ASAP3: variants seen among roughly 807,000 people sequenced by gnomAD.
The protein encoded by ASAP3 is arf-GAP with SH3 domain, ANK repeat and PH domain-containing protein 3.
ASAP3 carries 85 observed loss-of-function variants against 118.2 expected under a neutral mutation model. The ratio of observed to expected loss-of-function variants is 0.72; its 90% CI spans 0.60 to 0.86. The LOEUF (loss-of-function observed/expected upper bound fraction) is 0.86, where lower values mean the gene tolerates loss of function less well. ASAP3 is among the 40% of genes least tolerant of loss of function. The pLI is 0.00. For synonymous variants in ASAP3, 432 were observed against 477.4 expected, an observed-to-expected ratio of 0.90 and a Z score of 1.24; for missense variants, 1,026 against 1,175.0, an observed-to-expected ratio of 0.87 and a Z score of 1.85.
chr1:23,451,755 T>C (rs1641222269), intron 4 of ASAP3, among the ~76,000 whole-genome samples: 1 of 152,002 alleles, frequency 6.6e-6, no homozygotes, highest in South Asian at 2.1e-4. Context: ...GCAGACCTTC[T>C]CCTCCCCAGA....
At chr1:23,456,233 C>T in intron 1 of ASAP3, 39 bp from the exon 2 acceptor site, 5 of 1,595,736 alleles carry the variant, frequency 3.1e-6, no homozygotes, top group Non-Finnish European at 4.3e-6. Context: ...GGATGCCAAG[C>T]TGGAATAGGG....
Position 23,431,094 on chromosome 1 carries a change from C to G in ASAP3, c.2578G>C (p.Ala860Pro), listed in dbSNP as rs771194681. 7.0e-6 allele frequency: 11 copies of G among 1,563,748 alleles called. No homozygotes were observed. The highest frequency in any genetic ancestry group is 1.4e-5 in the African/African-American group (1 of 73,834). Residue 860 changes from alanine (A) to proline (P), a missense_variant, in exon 24 of 25, where the codon GCG becomes CCG. Transcript: ENST00000336689. The part of the protein sequence containing the change: ...SESTRSYRRG[A>P]RSPEDGPSAR... ...GAGGGACCATCTTCAGGGCTCCGCG[C>G]CCCCCGCCGATAGGAGCGAGTGCTC...
chr1:23,470,091 G>C (rs1239834716), intron 1 of ASAP3, among the ~76,000 whole-genome samples: 1 of 152,160 alleles, frequency 6.6e-6, no homozygotes, highest in African/African-American at 2.4e-5. Context: ...CTGAATTTTA[G>C]GGCTGTCTCT....
At chr1:23,431,641 A>G (rs1198434) in intron 23 of ASAP3, 55 bp downstream of exon 23, 1,287,074 of 1,448,658 alleles carry the variant, frequency 0.89, 572,147 homozygotes, top group Middle Eastern at 0.92. Flanking sequence ...AAATCAATGG[A>G]TGCTCAGAGA....
chr1:23,452,626 T>C (rs1223207038), intron 4 of ASAP3, 71 bp downstream of exon 4: 5 of 1,509,376 alleles, frequency 3.3e-6, no homozygotes, highest in Non-Finnish European at 3.7e-6. Flanking sequence ...AGTCCAGCCC[T>C]GCCCCCCAAC....
intron 10 of ASAP3, among the ~76,000 whole-genome samples, chr1:23,440,422 A>G (rs1046561414): frequency 2.2e-5 from 3 of 137,086 alleles, no homozygotes; most frequent in African/African-American, 8.7e-5. Flanking sequence ...AATCGCTTGA[A>G]CCCAGGAGGC....
chr1:23,456,399 C>T (rs1447890974), intron 1 of ASAP3, among the ~76,000 whole-genome samples: 3 of 152,110 alleles, frequency 2.0e-5, no homozygotes, highest in Admixed American at 2.0e-4. Flanking sequence ...ACCAGTCACA[C>T]CACTCCAAGA....
At position 23,436,753 on chromosome 1, in the gene ASAP3, G is replaced by A. The variant is rs1640673348; in HGVS notation, c.1477-99C>T. ...GCCCCCAGAGTCCCGCCCCTCGGCC[G>A]CCCTCCCGGTTCAGGCCCCGCCCCT... On this transcript the variant is annotated intron_variant, in intron 15 of 24. Coordinates refer to ENST00000336689, the MANE Select transcript of ASAP3 (RefSeq NM_017707.4). The surrounding 1 kb of genome is among the most constrained non-coding windows in gnomAD (Gnocchi z 4.2). 3.3e-6 allele frequency: 5 copies of A among 1,537,700 alleles called. No homozygotes were observed. Among genetic ancestry groups the A allele is most frequent in the Non-Finnish European group, 4.4e-6 (5 of 1,126,110 alleles).
chr1:23,438,760 G>C lies in ASAP3; in HGVS notation c.1089C>G (p.Phe363Leu), dbSNP rs1328713889. The C allele has an allele frequency of 1.2e-6, 2 of 1,614,018 alleles. No homozygotes were observed. The highest frequency in any genetic ancestry group is 1.3e-5 in the African/African-American group (1 of 74,920). Residue 363 changes from phenylalanine (F) to leucine (L), a missense_variant, in exon 12 of 25, where the codon TTC (phenylalanine) becomes TTG (leucine). Physicochemically the swap from Phe to Leu is conservative, Grantham distance 22. Transcript: ENST00000336689. The surrounding 1 kb of genome is among the most constrained non-coding windows in gnomAD (Gnocchi z 4.9). ...GGGACCACTCACGGGTCACCAGGTC[G>C]AAGCACTTTTTCTCCTCAGGGTTTG... The part of the protein sequence containing the change: ...VRPNPEEKKC[F>L]DLVTHNRTYH...
chr1:23,451,764 G>A (rs1025404892), intron 4 of ASAP3, among the ~76,000 whole-genome samples: 1 of 152,150 alleles, frequency 6.6e-6, no homozygotes, highest in South Asian at 2.1e-4. Context: ...CTCCTCCCCA[G>A]AGATGCCAAG....
chr1:23,482,601 A>G (rs959083897), intron 1 of ASAP3, among the ~76,000 whole-genome samples: 15 of 152,190 alleles, frequency 9.9e-5, no homozygotes, highest in Non-Finnish European at 2.2e-4. Context: ...ATGACAGGAC[A>G]GGTCACATGC....
intron 5 of ASAP3, among the ~76,000 whole-genome samples, chr1:23,447,279 C>A (rs759142512): frequency 1.3e-5 from 2 of 152,180 alleles, no homozygotes; most frequent in Non-Finnish European, 2.9e-5. Flanking sequence ...TGCTTGTGTT[C>A]AAGTAACCCT....
In ASAP3 at chr1:23,436,001, G is replaced by T; in HGVS notation, c.1599C>A (p.Ala533=). 6.2e-7 allele frequency: 1 copy of T among 1,614,226 alleles called. No individual in the cohort carries two copies. The highest frequency in any genetic ancestry group is 8.5e-7 in the Non-Finnish European group (1 of 1,180,040). The change falls in exon 17 of 25, where the codon GCC becomes GCA. Residue 533 remains alanine (A), a synonymous_variant. Coordinates refer to ENST00000336689, the MANE Select transcript of ASAP3 (RefSeq NM_017707.4). This position sits in a 1 kb window ranked among gnomAD's most constrained non-coding sequence, Gnocchi z 4.2. ...GTGCAAACCTATGCTCCACATACTTGGCCATAATGTAGTCCCTGCGGGTGC... is the reference window on the plus strand; with the variant it reads ...GTGCAAACCTATGCTCCACATACTTTGCCATAATGTAGTCCCTGCGGGTGC... The part of the protein sequence containing the change: ...DMGTRRDYIM[A]KYVEHRFARR...
Position 23,436,589 on chromosome 1 carries a change from G to A in ASAP3, c.1542C>T (p.Gly514=), listed in dbSNP as rs1640663861. Residue 514 remains glycine, a synonymous_variant, in exon 16 of 25, where the codon GGC becomes GGT. Coordinates refer to ENST00000336689, the MANE Select transcript of ASAP3 (RefSeq NM_017707.4). This position sits in a 1 kb window ranked among gnomAD's most constrained non-coding sequence, Gnocchi z 4.2. ...CACTCTCAGCTGAGGGTTTAGGGCC[G>A]CCGTGTGAGGGTAGCTGGGCCTCCA... ...EVMEAQLPSH[G]GPKPSAESDM... is the part of the protein sequence containing the mutation. The A allele has an allele frequency of 6.2e-7, 1 of 1,614,220 alleles. No individual in the cohort carries two copies. The highest frequency in any genetic ancestry group is 8.5e-7 in the Non-Finnish European group (1 of 1,180,034).
intron 22 of ASAP3, among the ~76,000 whole-genome samples, chr1:23,432,473 G>C (rs992815858): frequency 6.6e-6 from 1 of 152,076 alleles, no homozygotes; most frequent in African/African-American, 2.4e-5. Context: ...TCATCCCTCA[G>C]GTTCACTCAT....
chr1:23,452,058 C>T (rs1156237540), intron 4 of ASAP3, among the ~76,000 whole-genome samples: 1 of 152,228 alleles, frequency 6.6e-6, no homozygotes, highest in African/African-American at 2.4e-5. Context: ...GCCTAGCTTG[C>T]CTAAGCCTCA....
At chr1:23,443,966 AC>A (rs1640963183) in intron 5 of ASAP3, among the ~76,000 whole-genome samples, 1 of 151,524 alleles carries the variant, frequency 6.6e-6, no homozygotes, top group Non-Finnish European at 1.5e-5. Context: ...CAGGTGATCC[AC>A]CCACCTCAGC....
At position 23,457,824 on chromosome 1, in the gene ASAP3, A is replaced by G. The variant is rs371068885; in HGVS notation, c.130-1630T>C. Among the ~76,000 whole-genome samples, 8 of 152,292 alleles carry G rather than the reference A, an allele frequency of 5.3e-5. No homozygotes were observed. The East Asian group carries it at 1.2e-3, about 22-fold the overall frequency. ...CACCGTGCCCGGGCACAAGTTGCCTATTCTTTCTGAGCTTCCTGATTAGCC... is the reference window on the plus strand; with the variant it reads ...CACCGTGCCCGGGCACAAGTTGCCTGTTCTTTCTGAGCTTCCTGATTAGCC... On this transcript the variant is annotated intron_variant, in intron 1 of 24. Transcript: ENST00000336689.
intron 1 of ASAP3, among the ~76,000 whole-genome samples, chr1:23,476,658 G>A (rs1206031664): frequency 2.6e-5 from 4 of 152,114 alleles, no homozygotes; most frequent in Admixed American, 1.3e-4. Flanking sequence ...CTCACTACCA[G>A]GGCCATCAAA....
Sources: gnomAD v4.1 joint callset for allele counts (sites outside exome capture counted in the v4.1 genomes callset) on GRCh38, gnomAD v4.1.1 for gene constraint, Gnocchi (gnomAD v3.1) non-coding constraint, MANE v1.5 for transcripts, NCBI Gene and HGNC (gene_info 2026-07-23, HGNC 2026-07-21) for gene names.